The following TMCC1 variants were observed in gnomAD, a reference collection of about 807,000 sequenced individuals.
The protein encoded by TMCC1 is transmembrane and coiled-coil domain family 1, also known as transmembrane and coiled-coil domains protein 1.
A neutral mutation model predicts 52.4 loss-of-function variants in TMCC1; 15 were observed. The observed-to-expected ratio is 0.29, with a 90% CI of 0.19 to 0.44. TMCC1 has a LOEUF of 0.44. Among genes scored for constraint, TMCC1 ranks in the 20% least tolerant of loss-of-function variants. The pLI is 1.00. For synonymous variants in TMCC1, 279 were observed against 301.9 expected (o/e 0.92, Z 0.79); for missense variants, 503 against 806.0 (o/e 0.62, Z 4.55).
intron 5 of TMCC1, among the ~76,000 whole-genome samples, chr3:129,657,773 A>C (rs1205646458): frequency 6.6e-6 from 1 of 152,226 alleles, no homozygotes; most frequent in Non-Finnish European, 1.5e-5. Context: ...TGGTGAGGGC[A>C]TGGAGAAATC....
intron 4 of TMCC1, among the ~76,000 whole-genome samples, chr3:129,731,404 C>G (rs1576613879): frequency 1.3e-5 from 2 of 152,136 alleles, no homozygotes; most frequent in African/African-American, 2.4e-5. Flanking sequence ...ATGGTGAAAC[C>G]CTGTCTCTAC....
chr3:129,653,496 TG>T (rs2086472663), intron 6 of TMCC1, among the ~76,000 whole-genome samples: 1 of 152,226 alleles, frequency 6.6e-6, no homozygotes, highest in African/African-American at 2.4e-5. Context: ...CAGGCTAGAG[TG>T]CAGCGGCGCG....
chr3:129,677,433 T>C (rs772915482), intron 4 of TMCC1, among the ~76,000 whole-genome samples: 5 of 152,210 alleles, frequency 3.3e-5, no homozygotes, highest in Non-Finnish European at 5.9e-5. Context: ...AAAGGTGCTT[T>C]TATTACTGAG....
At chr3:129,884,391 G>A (rs1016436187) in intron 1 of TMCC1, among the ~76,000 whole-genome samples, 4 of 152,172 alleles carry the variant, frequency 2.6e-5, no homozygotes, top group African/African-American at 4.8e-5. Context: ...ACTTTGGGAG[G>A]CTGAGACGGG....
At chr3:129,890,508 G>A (rs551592072) in intron 1 of TMCC1, among the ~76,000 whole-genome samples, 3 of 152,052 alleles carry the variant, frequency 2.0e-5, no homozygotes, top group South Asian at 2.1e-4. Flanking sequence ...TTTAATATTC[G>A]CAACACATCT....
chr3:129,725,662 G>A (rs1160965606), intron 4 of TMCC1, among the ~76,000 whole-genome samples: 1 of 151,658 alleles, frequency 6.6e-6, no homozygotes, highest in Non-Finnish European at 1.5e-5. Context: ...ACCTCTGAAA[G>A]AGTAATCTAC....
chr3:129,714,244 C>T (rs62265562), intron 4 of TMCC1, among the ~76,000 whole-genome samples: 2,895 of 152,214 alleles, frequency 0.019, 46 homozygotes, highest in Non-Finnish European at 0.03. Context: ...TTTGGGTAGA[C>T]TGATAGTGTA....
intron 4 of TMCC1, among the ~76,000 whole-genome samples, chr3:129,815,879 A>T (rs1481355477): frequency 2.6e-5 from 4 of 152,246 alleles, no homozygotes; most frequent in Non-Finnish European, 5.9e-5. Flanking sequence ...AGAATACATA[A>T]GGAACTCAAA....
intron 4 of TMCC1, among the ~76,000 whole-genome samples, chr3:129,741,237 C>T (rs1001540667): frequency 5.3e-5 from 8 of 152,194 alleles, no homozygotes; most frequent in African/African-American, 1.9e-4. Context: ...AAGGAGGATA[C>T]AGCATCCCTT....
intron 4 of TMCC1, among the ~76,000 whole-genome samples, chr3:129,814,931 G>A (rs1218457495): frequency 6.6e-6 from 1 of 152,060 alleles, no homozygotes; most frequent in African/African-American, 2.4e-5. Flanking sequence ...TAAAGGGAGA[G>A]ATAGACTGAT....
intron 5 of TMCC1, among the ~76,000 whole-genome samples, chr3:129,664,205 A>C (rs1054669979): frequency 6.6e-6 from 1 of 152,206 alleles, no homozygotes; most frequent in Non-Finnish European, 1.5e-5. Flanking sequence ...TTATTGTCCA[A>C]ATCTAGCCTA....
chr3:129,792,338 C>T (rs141123662), intron 4 of TMCC1, among the ~76,000 whole-genome samples: 16 of 151,922 alleles, frequency 1.1e-4, no homozygotes, highest in Non-Finnish European at 1.5e-4. Flanking sequence ...AATAGAGGCA[C>T]GATGCATTTG....
chr3:129,886,917 A>G (rs1000168339), intron 1 of TMCC1, among the ~76,000 whole-genome samples: 1 of 152,042 alleles, frequency 6.6e-6, no homozygotes, highest in African/African-American at 2.4e-5. Flanking sequence ...AGCCTGGGAG[A>G]CAGAGTGAGA....
intron 4 of TMCC1, among the ~76,000 whole-genome samples, chr3:129,710,186 A>AAAAC (rs148176861): frequency 2.0e-5 from 3 of 151,472 alleles, no homozygotes; most frequent in African/African-American, 2.4e-5. Context: ...ATTCCATCTC[A>AAAAC]AAACAAACAA....
At chr3:129,812,335 T>TAA (rs1431484020) in intron 4 of TMCC1, among the ~76,000 whole-genome samples, 1 of 2,892 alleles carries the variant, frequency 3.5e-4, no homozygotes, top group African/African-American at 8.7e-4. Flanking sequence ...AGACTCTGTC[T>TAA]CAAAAAAAAA....
At chr3:129,803,272 C>G (rs1293521699) in intron 4 of TMCC1, among the ~76,000 whole-genome samples, 2 of 152,044 alleles carry the variant, frequency 1.3e-5, no homozygotes, top group African/African-American at 4.8e-5. Flanking sequence ...CACAAAAAGA[C>G]AAATACCTTA....
intron 4 of TMCC1, among the ~76,000 whole-genome samples, chr3:129,763,082 C>A (rs1576740026): frequency 6.6e-6 from 1 of 151,154 alleles, no homozygotes; most frequent in African/African-American, 2.4e-5. Flanking sequence ...CCTGTAGTCC[C>A]AGCTACTTGG....
chr3:129,776,601 C>T (rs1338259262), intron 4 of TMCC1, among the ~76,000 whole-genome samples: 23 of 152,158 alleles, frequency 1.5e-4, no homozygotes, highest in Admixed American at 1.5e-3. Flanking sequence ...TCCCAAAGTG[C>T]TAGATGGTAT....
intron 2 of TMCC1, among the ~76,000 whole-genome samples, chr3:129,865,281 C>T (rs1047205607): frequency 9.9e-5 from 15 of 151,990 alleles, no homozygotes; most frequent in African/African-American, 7.3e-5. Context: ...CCCACCTCAG[C>T]TCCCACTGGA....
Sources: allele counts gnomAD v4.1 joint callset (sites outside exome capture counted in the v4.1 genomes callset), GRCh38; gene constraint gnomAD v4.1.1; transcripts MANE v1.5; gene names NCBI Gene and HGNC (gene_info 2026-07-23, HGNC 2026-07-21).